ZC3H13: variants seen among roughly 807,000 people sequenced by gnomAD.
ZC3H13 encodes zinc finger CCCH domain-containing protein 13.
Under a neutral mutation model 204.1 loss-of-function variants are expected in ZC3H13, and 64 were observed. The ratio of observed to expected loss-of-function variants is 0.31; its 90% CI spans 0.26 to 0.39. The LOEUF is 0.39. Ranked by LOEUF, ZC3H13 falls within the 10% of genes least tolerant of loss-of-function variation. ZC3H13 has a pLI of 1.00. For synonymous variants in ZC3H13, 667 were observed against 693.7 expected (o/e 0.96, Z 0.60); for missense variants, 1,833 against 2,082.7 (o/e 0.88, Z 2.33).
At chr13:45,980,413 C>G (rs1953462426) in intron 10 of ZC3H13, among the ~76,000 whole-genome samples, 1 of 152,058 alleles carries the variant, frequency 6.6e-6, no homozygotes, top group Non-Finnish European at 1.5e-5. Context: ...CATAGAACAC[C>G]AAGGTTAATG....
chr13:45,996,653 G>A (rs748031900), intron 8 of ZC3H13, among the ~76,000 whole-genome samples: 8 of 151,172 alleles, frequency 5.3e-5, no homozygotes, highest in Non-Finnish European at 1.0e-4. Context: ...TTGCAGTTTG[G>A]CAATAACAGT....
intron 8 of ZC3H13, among the ~76,000 whole-genome samples, chr13:45,996,151 A>G (rs2040318669): frequency 6.6e-6 from 1 of 152,192 alleles, no homozygotes; most frequent in East Asian, 1.9e-4. Flanking sequence ...GTATTAGTTT[A>G]CTTTCCTGAT....
chr13:46,022,146 C>T (rs2042255854), intron 4 of ZC3H13, among the ~76,000 whole-genome samples: 1 of 151,716 alleles, frequency 6.6e-6, no homozygotes, highest in Admixed American at 6.6e-5. Flanking sequence ...GTAAATATTT[C>T]ATATTTACCC....
chr13:46,045,126 G>T, intron 2 of ZC3H13, 62 bp from the exon 3 acceptor site: 2 of 1,416,092 alleles, frequency 1.4e-6, no homozygotes, highest in East Asian at 2.3e-5. Context: ...AAATGCTAGC[G>T]GGACAAAATT....
chr13:46,031,542 A>G (rs117836159), intron 4 of ZC3H13, among the ~76,000 whole-genome samples: 1,686 of 152,326 alleles, frequency 0.011, 18 homozygotes, highest in Non-Finnish European at 0.02. Flanking sequence ...GACATATGCA[A>G]TAAGGACTGT....
At position 46,034,934 on chromosome 13, in the gene ZC3H13, T is replaced by C. The variant is rs148256628; in HGVS notation, c.339+7230A>G. On this transcript the variant is annotated intron_variant, in intron 4 of 18. Transcript: ENST00000679008. ...AAATATTTATATATACCAGTTAGTA[T>C]ACACGCATATATTTATTTGCTCTGC... is the stretch of plus-strand genomic sequence containing the variant. Among the ~76,000 whole-genome samples the C allele has an allele frequency of 4.7e-3, 720 of 152,282 alleles. 4 individuals carry two copies. The highest frequency in any genetic ancestry group is 8.8e-3 in the Non-Finnish European group (601 of 68,028).
chr13:46,019,371 A>T (rs1215293840), intron 5 of ZC3H13, among the ~76,000 whole-genome samples: 1 of 152,158 alleles, frequency 6.6e-6, no homozygotes, highest in East Asian at 1.9e-4. Flanking sequence ...TGCAAAAACC[A>T]GTGACTGGCC....
intron 5 of ZC3H13, among the ~76,000 whole-genome samples, 167 bp from the exon 6 acceptor site, chr13:46,011,721 G>A (rs2041575308): frequency 6.6e-6 from 1 of 152,094 alleles, no homozygotes; most frequent in South Asian, 2.1e-4. Context: ...TTCTATAAAG[G>A]ATTAAAATCA....
At chr13:46,032,745 A>G (rs1376428808) in intron 4 of ZC3H13, among the ~76,000 whole-genome samples, 1 of 152,108 alleles carries the variant, frequency 6.6e-6, no homozygotes, top group Non-Finnish European at 1.5e-5. Flanking sequence ...ATAACCTAAA[A>G]TCTCCACTAA....
intron 7 of ZC3H13, among the ~76,000 whole-genome samples, chr13:46,008,638 G>C (rs1566271192): frequency 6.6e-6 from 1 of 152,074 alleles, no homozygotes; most frequent in Non-Finnish European, 1.5e-5. Flanking sequence ...AAACAGAACA[G>C]ATAAGACAAG....
At chr13:46,027,165 C>T (rs548576353) in intron 4 of ZC3H13, among the ~76,000 whole-genome samples, 7 of 152,036 alleles carry the variant, frequency 4.6e-5, no homozygotes, top group Admixed American at 2.6e-4. Context: ...CAGCACAGTG[C>T]GCAATCTTGG....
At chr13:45,994,014 C>T (rs1264959036) in intron 8 of ZC3H13, among the ~76,000 whole-genome samples, 1 of 152,240 alleles carries the variant, frequency 6.6e-6, no homozygotes, top group African/African-American at 2.4e-5. Flanking sequence ...ACAGGGTCCA[C>T]ACTTACGTGT....
intron 1 of ZC3H13, among the ~76,000 whole-genome samples, chr13:46,046,509 A>AAC (rs2043973111): frequency 6.7e-6 from 1 of 149,686 alleles, no homozygotes; most frequent in Non-Finnish European, 1.5e-5. Flanking sequence ...ATACAAAAAA[A>AAC]AAAAAAAAAT....
rs1951309306 is a variant in ZC3H13, at chr13:45,957,006, A to G, written c.*121T>C. ...AAAGATCAAAATTCTTCACTCTTTT[A>G]GCATGGCTGATAAATCTTTTCTGCC... is the stretch of plus-strand genomic sequence containing the variant. On this transcript the variant is annotated 3_prime_UTR_variant, in exon 19 of 19. Coordinates refer to ENST00000679008, the MANE Select transcript of ZC3H13 (RefSeq NM_001330564.2). 1 of 945,010 alleles carries G rather than the reference A, an allele frequency of 1.1e-6. No individual in the cohort carries two copies. Among genetic ancestry groups the G allele is most frequent in the Non-Finnish European group, 1.4e-6 (1 of 707,214 alleles). 58.5% of individuals were successfully genotyped at this position (945,010 alleles called of 1,614,324 possible).
chr13:45,994,633 G>C (rs1348514037), intron 8 of ZC3H13, among the ~76,000 whole-genome samples: 2 of 152,112 alleles, frequency 1.3e-5, no homozygotes, highest in Non-Finnish European at 2.9e-5. Flanking sequence ...GCACGCATGT[G>C]GATTGTTTTT....
chr13:45,997,587 T>A (rs1057320936), intron 8 of ZC3H13, among the ~76,000 whole-genome samples: 1 of 152,194 alleles, frequency 6.6e-6, no homozygotes, highest in African/African-American at 2.4e-5. Flanking sequence ...TTATCTATTA[T>A]GAGTAATGGA....
intron 17 of ZC3H13, 22 bp from the exon 18 acceptor site, chr13:45,959,668 G>A (rs1194056425): frequency 2.0e-6 from 3 of 1,496,134 alleles, no homozygotes; most frequent in South Asian, 1.3e-5. Context: ...AAGTAAACAT[G>A]CATTAAGTTT....
At chr13:46,001,396 T>C (rs1337542883) in intron 8 of ZC3H13, 2 of 152,186 alleles carry the variant, frequency 1.3e-5, no homozygotes, top group Non-Finnish European at 2.9e-5. Flanking sequence ...GCTTTAGAAC[T>C]CCAGTGCGTG....
intron 8 of ZC3H13, among the ~76,000 whole-genome samples, chr13:45,993,343 C>G (rs2040100480): frequency 6.6e-6 from 1 of 152,184 alleles, no homozygotes; most frequent in African/African-American, 2.4e-5. Context: ...GTCAGGGTGA[C>G]TACTCTAGGT....
Sources: gnomAD v4.1 joint callset for allele counts (sites outside exome capture counted in the v4.1 genomes callset) on GRCh38, gnomAD v4.1.1 for gene constraint, MANE v1.5 for transcripts, NCBI Gene and HGNC (gene_info 2026-07-23, HGNC 2026-07-21) for gene names.